The following NXPE4 variants were observed in gnomAD, a reference collection of about 807,000 sequenced individuals.
The protein encoded by NXPE4 is neurexophilin and PC-esterase domain family member 4, also known as NXPE family member 4.
A neutral mutation model predicts 33.3 loss-of-function variants in NXPE4; 42 were observed. That is an observed-to-expected ratio of 1.26 (90% CI 0.98 to 1.63). NXPE4 has a LOEUF of 1.63. Ranked by LOEUF, NXPE4 falls within the 40% of genes most tolerant of loss-of-function variation. NXPE4 has a pLI of 0.00. For synonymous variants in NXPE4, 253 were observed against 234.9 expected (o/e 1.08, Z -0.71); for missense variants, 709 against 647.6 (o/e 1.09, Z -1.03).
chr11:114,582,205 A>G, intron 3 of NXPE4, 83 bp downstream of exon 3: 1 of 1,427,274 alleles, frequency 7.0e-7, no homozygotes, highest in Non-Finnish European at 9.4e-7. Context: ...AAATTAATAC[A>G]CTCACAAGAC....
At chr11:114,589,404 C>T (rs1949388775) in intron 2 of NXPE4, among the ~76,000 whole-genome samples, 1 of 152,136 alleles carries the variant, frequency 6.6e-6, no homozygotes, top group Non-Finnish European at 1.5e-5. Flanking sequence ...TAATCGAGGC[C>T]TCCCCTTTTC....
At chr11:114,592,610 G>A (rs552822039) in intron 2 of NXPE4, among the ~76,000 whole-genome samples, 1 of 152,004 alleles carries the variant, frequency 6.6e-6, no homozygotes, top group South Asian at 2.1e-4. Flanking sequence ...ACTACTAAAA[G>A]CAATCTACAG....
intron 2 of NXPE4, among the ~76,000 whole-genome samples, chr11:114,586,505 T>C (rs1376331378): frequency 2.6e-5 from 4 of 152,188 alleles, no homozygotes; most frequent in African/African-American, 9.6e-5. Context: ...CTACCAGCCT[T>C]ACAAGACTCA....
At chr11:114,662,113 T>G in the NXPE4 span, among the ~76,000 whole-genome samples, 1 of 152,134 alleles carries the variant, frequency 6.6e-6, no homozygotes, top group Admixed American at 6.6e-5. Flanking sequence ...TTTAACTCCA[T>G]ATCACTGAAA....
chr11:114,647,397 A>G, the NXPE4 span, among the ~76,000 whole-genome samples: 2 of 152,158 alleles, frequency 1.3e-5, no homozygotes. Flanking sequence ...GTTCTTCCAT[A>G]AAAGTTTGAT....
At chr11:114,629,791 TCTC>T in the NXPE4 span, among the ~76,000 whole-genome samples, 1 of 150,448 alleles carries the variant, frequency 6.6e-6, no homozygotes, top group Non-Finnish European at 1.5e-5. Flanking sequence ...CAGCCCAAAA[TCTC>T]CTCAAGCTGA....
the NXPE4 span, among the ~76,000 whole-genome samples, chr11:114,631,915 C>T: frequency 6.6e-6 from 1 of 151,234 alleles, no homozygotes; most frequent in Non-Finnish European, 1.5e-5. Flanking sequence ...TGGGTCACTA[C>T]TGTTACCCGG....
the NXPE4 span, among the ~76,000 whole-genome samples, chr11:114,643,696 C>T: frequency 6.6e-6 from 1 of 152,030 alleles, no homozygotes; most frequent in Non-Finnish European, 1.5e-5. Context: ...TAGCATGATG[C>T]CTCCACCTTT....
chr11:114,637,055 C>T, the NXPE4 span, among the ~76,000 whole-genome samples: 1 of 151,934 alleles, frequency 6.6e-6, no homozygotes, highest in Admixed American at 6.6e-5. Context: ...CTAATGTTGA[C>T]AGTGGGGTGT....
chr11:114,655,458 G>A, the NXPE4 span, among the ~76,000 whole-genome samples: 1 of 152,104 alleles, frequency 6.6e-6, no homozygotes, highest in Non-Finnish European at 1.5e-5. Flanking sequence ...ATGGTTTGAG[G>A]TTTTACATTT....
the NXPE4 span, among the ~76,000 whole-genome samples, chr11:114,640,698 T>C: frequency 3.3e-5 from 5 of 152,048 alleles, no homozygotes; most frequent in African/African-American, 9.7e-5. Flanking sequence ...TCCATTTCCC[T>C]GATGATTAGT....
the NXPE4 span, among the ~76,000 whole-genome samples, chr11:114,651,436 C>T: frequency 1.4e-4 from 21 of 152,282 alleles, no homozygotes; most frequent in East Asian, 3.7e-3. Flanking sequence ...GTGAGTGTTA[C>T]AGCTCATAAA....
At chr11:114,604,256 G>A in the NXPE4 span, among the ~76,000 whole-genome samples, 26,626 of 152,018 alleles carry the variant, frequency 0.18, 2,518 homozygotes, top group African/African-American at 0.24. Flanking sequence ...TGACTCTTGG[G>A]TAACCAGTGT....
chr11:114,654,520 T>C, the NXPE4 span, among the ~76,000 whole-genome samples: 7 of 152,076 alleles, frequency 4.6e-5, no homozygotes, highest in African/African-American at 1.4e-4. Context: ...CCCCTCTCCA[T>C]GTCCATGTGT....
At chr11:114,639,854 ATATAT>A in the NXPE4 span, among the ~76,000 whole-genome samples, 5 of 90,644 alleles carry the variant, frequency 5.5e-5, no homozygotes, top group South Asian at 3.7e-4. Flanking sequence ...AAAATATAAT[ATATAT>A]TATATTTTAT....
intron 5 of NXPE4, among the ~76,000 whole-genome samples, chr11:114,572,073 A>T (rs867136804): frequency 6.6e-6 from 1 of 152,132 alleles, no homozygotes; most frequent in Non-Finnish European, 1.5e-5. Flanking sequence ...GTCACATCCT[A>T]TGGGATTCTT....
At chr11:114,603,731 A>G in the NXPE4 span, among the ~76,000 whole-genome samples, 1 of 150,644 alleles carries the variant, frequency 6.6e-6, no homozygotes, top group Non-Finnish European at 1.5e-5. Flanking sequence ...GTTAACTCCT[A>G]TTACCCAGTG....
At chr11:114,641,633 A>G in the NXPE4 span, among the ~76,000 whole-genome samples, 1 of 152,062 alleles carries the variant, frequency 6.6e-6, no homozygotes, top group African/African-American at 2.4e-5. Context: ...TGGAAAAAGT[A>G]GAAATCAAGA....
intron 5 of NXPE4, among the ~76,000 whole-genome samples, chr11:114,576,320 G>A (rs920905935): frequency 4.6e-5 from 7 of 150,634 alleles, no homozygotes. Context: ...GGACCCAAAA[G>A]CAAATGCAAC....
Sources: allele counts gnomAD v4.1 joint callset (sites outside exome capture counted in the v4.1 genomes callset), GRCh38; gene constraint gnomAD v4.1.1; transcripts MANE v1.5; gene names NCBI Gene and HGNC (gene_info 2026-07-23, HGNC 2026-07-21).